KIF6: variants seen among roughly 807,000 people sequenced by gnomAD.
The protein encoded by KIF6 is kinesin family member 6.
Under a neutral mutation model 112.7 loss-of-function variants are expected in KIF6, and 106 were observed. The observed-to-expected ratio is 0.94, with a 90% confidence interval of 0.80 to 1.11. The LOEUF is 1.11. Among genes scored for constraint, KIF6 ranks in the 50% least tolerant of loss-of-function variants. KIF6 has a pLI of 0.00. For missense variants in KIF6, 929 were observed against 964.0 expected (o/e 0.96, Z 0.48); for synonymous variants, 339 against 339.9 (o/e 1.00, Z 0.03).
At chr6:39,429,734 C>A (rs1258460734) in intron 14 of KIF6, among the ~76,000 whole-genome samples, 1 of 152,108 alleles carries the variant, frequency 6.6e-6, no homozygotes, top group African/African-American at 2.4e-5. Context: ...CAGTGAAACC[C>A]CGTCTCTACT....
chr6:39,438,080 C>A (rs553689951), intron 13 of KIF6, among the ~76,000 whole-genome samples: 3 of 152,078 alleles, frequency 2.0e-5, no homozygotes, highest in Admixed American at 6.6e-5. Flanking sequence ...TGGGTTCAAG[C>A]GATTCTCCTG....
At chr6:39,403,949 T>C (rs1332689469) in intron 15 of KIF6, among the ~76,000 whole-genome samples, 1 of 152,250 alleles carries the variant, frequency 6.6e-6, no homozygotes, top group East Asian at 1.9e-4. Flanking sequence ...TACGTCCTTT[T>C]TGGTGAAGTA....
chr6:39,694,040 C>T (rs541402190), intron 3 of KIF6, among the ~76,000 whole-genome samples: 1 of 151,650 alleles, frequency 6.6e-6, no homozygotes, highest in East Asian at 1.9e-4. Flanking sequence ...ATGTGATTCA[C>T]CAAGTAGAAT....
intron 6 of KIF6, among the ~76,000 whole-genome samples, chr6:39,597,524 T>G (rs759271518): frequency 1.1e-4 from 16 of 152,108 alleles, no homozygotes; most frequent in Non-Finnish European, 1.6e-4. Flanking sequence ...AAAGAAAGGA[T>G]GCACTGATTT....
chr6:39,636,266 A>G (rs189113183), intron 4 of KIF6, among the ~76,000 whole-genome samples: 51 of 152,230 alleles, frequency 3.4e-4, no homozygotes, highest in African/African-American at 1.2e-3. Context: ...TCAGAAAAAC[A>G]AAATGATAAA....
At chr6:39,526,479 A>T (rs11751784) in intron 13 of KIF6, among the ~76,000 whole-genome samples, 1 of 151,940 alleles carries the variant, frequency 6.6e-6, no homozygotes, top group Non-Finnish European at 1.5e-5. Context: ...GGTGCTCATA[A>T]ATGGTGACTT....
Position 39,336,429 on chromosome 6 carries a change from C to A in KIF6, c.*103G>T. 1.8e-6 allele frequency: 2 copies of A among 1,106,420 alleles called. No individual in the cohort carries two copies. 68.5% of individuals were successfully genotyped at this position (1,106,420 alleles called of 1,614,324 possible). On this transcript the variant is annotated 3_prime_UTR_variant, in exon 23 of 23. Transcript: ENST00000287152. ...AATCAAAGTCACTAGTTGCTCCCAGCAGCCCATAGTTCACTTCTGAAGCCA... is the reference window on the plus strand; with the variant it reads ...AATCAAAGTCACTAGTTGCTCCCAGAAGCCCATAGTTCACTTCTGAAGCCA...
intron 15 of KIF6, among the ~76,000 whole-genome samples, chr6:39,400,723 A>G (rs1185873505): frequency 6.6e-6 from 1 of 152,232 alleles, no homozygotes; most frequent in Non-Finnish European, 1.5e-5. Flanking sequence ...CTGGCCTGTC[A>G]CTGGAAACAG....
chr6:39,579,800 T>C (rs1440268287), intron 9 of KIF6, among the ~76,000 whole-genome samples: 1 of 151,930 alleles, frequency 6.6e-6, no homozygotes, highest in East Asian at 1.9e-4. Flanking sequence ...TTTGCTATTA[T>C]AATTATATAA....
chr6:39,495,308 A>G (rs1775719624), intron 13 of KIF6, among the ~76,000 whole-genome samples: 1 of 152,210 alleles, frequency 6.6e-6, no homozygotes, highest in Non-Finnish European at 1.5e-5. Flanking sequence ...TGCAGCAGCG[A>G]GAGTGCAGCA....
intron 13 of KIF6, among the ~76,000 whole-genome samples, chr6:39,497,366 C>T (rs1775845652): frequency 6.6e-6 from 1 of 152,266 alleles, no homozygotes; most frequent in East Asian, 1.9e-4. Flanking sequence ...TGTTTAAGTC[C>T]CTTGTCATTA....
chr6:39,620,186 C>G (rs956181453), intron 5 of KIF6, among the ~76,000 whole-genome samples: 1 of 152,134 alleles, frequency 6.6e-6, no homozygotes, highest in African/African-American at 2.4e-5. Flanking sequence ...ACAAATAACC[C>G]ACCACTTAAT....
rs116929747 is a variant in KIF6, at chr6:39,674,916, G to C, written c.252-35159C>G. The stretch of plus-strand genomic sequence containing the variant: ...ACAGGGATCAATAAAAAGTCTTGCA[G>C]CACAATAATAACAAACAAATTAATT... On this transcript the variant is annotated intron_variant, in intron 3 of 22. Transcript: ENST00000287152. Among the ~76,000 whole-genome samples the C allele has an allele frequency of 9.2e-5, 14 of 151,476 alleles. No homozygotes were observed. In the East Asian group the frequency reaches 2.7e-3, roughly 29 times the overall value.
intron 13 of KIF6, among the ~76,000 whole-genome samples, chr6:39,440,830 G>GTA (rs1771875145): frequency 6.6e-6 from 1 of 152,206 alleles, no homozygotes; most frequent in African/African-American, 2.4e-5. Context: ...ACTCTTGGGA[G>GTA]TGGTGCTGGA....
intron 6 of KIF6, among the ~76,000 whole-genome samples, chr6:39,606,164 C>T (rs568531673): frequency 6.6e-6 from 1 of 151,808 alleles, no homozygotes; most frequent in Non-Finnish European, 1.5e-5. Context: ...TCCTCTTCTT[C>T]TTCTTCCTTT....
At position 39,562,842 on chromosome 6, in the gene KIF6, A is replaced by G. The variant is rs368527943; in HGVS notation, c.1181+15214T>C. 1.9e-4 allele frequency among the ~76,000 whole-genome samples: 29 copies of G among 152,356 alleles called. 3 individuals are homozygous for G. Among genetic ancestry groups the G allele is most frequent in the Admixed American group, 7.8e-4 (12 of 15,306 alleles). On this transcript the variant is annotated intron_variant, in intron 10 of 22. Transcript: ENST00000287152. ...TGATTATAACATGAAAAACACTATG[A>G]GGTAGAGAATATTTCATGTCTGTAC...
chr6:39,489,468 G>A (rs62402248), intron 13 of KIF6, among the ~76,000 whole-genome samples: 18,423 of 152,072 alleles, frequency 0.12, 1,494 homozygotes, highest in African/African-American at 0.22. Context: ...TACTTGTGGT[G>A]AGGGAGGGAT....
chr6:39,510,357 G>T (rs2150508339), intron 13 of KIF6, among the ~76,000 whole-genome samples: 1 of 152,218 alleles, frequency 6.6e-6, no homozygotes, highest in South Asian at 2.1e-4. Context: ...CTCCCAAAGT[G>T]CTGGGATTAC....
rs1581940839 is a variant in KIF6, at chr6:39,478,188, T to A, written c.1646-47027A>T. ...ACTCAATTTGTAGTATTTTATCTGT[T>A]ACCCCCCTTTCACCCTTTCCCCCAA... On this transcript the variant is annotated intron_variant, in intron 13 of 22. Transcript: ENST00000287152. Among the ~76,000 whole-genome samples, 6 of 150,286 alleles carry A rather than the reference T, an allele frequency of 4.0e-5. No homozygotes were observed. In the South Asian group the frequency reaches 1.3e-3, roughly 32 times the overall value.
Sources: gnomAD v4.1 joint callset for allele counts (sites outside exome capture counted in the v4.1 genomes callset) on GRCh38, gnomAD v4.1.1 for gene constraint, MANE v1.5 for transcripts, NCBI Gene and HGNC (gene_info 2026-07-23, HGNC 2026-07-21) for gene names.